BAZ2B: variants seen among roughly 807,000 people sequenced by gnomAD.
BAZ2B encodes bromodomain adjacent to zinc finger domain 2B, also known as bromodomain adjacent to zinc finger domain protein 2B.
A neutral mutation model predicts 246.0 loss-of-function variants in BAZ2B; 91 were observed. That is an observed-to-expected ratio of 0.37 (90% CI 0.31 to 0.44). The LOEUF (loss-of-function observed/expected upper bound fraction) is 0.44, where lower values mean the gene tolerates loss of function less well. Ranked by LOEUF, BAZ2B falls within the 20% of genes least tolerant of loss-of-function variation. BAZ2B has a pLI of 1.00. For missense variants in BAZ2B, 2,332 were observed against 2,533.7 expected, an observed-to-expected ratio of 0.92 and a Z score of 1.71; for synonymous variants, 855 against 860.0, an observed-to-expected ratio of 0.99 and a Z score of 0.10.
the BAZ2B span, among the ~76,000 whole-genome samples, chr2:159,655,448 T>A: frequency 6.6e-6 from 1 of 152,202 alleles, no homozygotes; most frequent in Non-Finnish European, 1.5e-5. Context: ...AAGAGTTTCT[T>A]TTTGACTTTA....
intron 24 of BAZ2B, among the ~76,000 whole-genome samples, chr2:159,383,169 T>A (rs2062211728): frequency 1.3e-5 from 2 of 152,156 alleles, no homozygotes; most frequent in Admixed American, 1.3e-4. Context: ...ATAGGAGTAA[T>A]TTCTGCCTGA....
At chr2:159,691,765 T>C in the BAZ2B span, among the ~76,000 whole-genome samples, 1 of 152,230 alleles carries the variant, frequency 6.6e-6, no homozygotes, top group African/African-American at 2.4e-5. Flanking sequence ...ACATGAGAAT[T>C]GCAAAAGATC....
intron 6 of BAZ2B, among the ~76,000 whole-genome samples, chr2:159,440,515 TTG>T (rs1559430451): frequency 1.3e-5 from 1 of 78,748 alleles, no homozygotes; most frequent in East Asian, 3.5e-4. Flanking sequence ...GCAATGACTC[TTG>T]TTTTTTTTTT....
Position 159,496,562 on chromosome 2 carries a change from C to G in BAZ2B, c.-2-17841G>C, listed in dbSNP as rs976309462. On this transcript the variant is annotated intron_variant, in intron 2 of 36. Transcript: ENST00000392783. ...ACTTTGGAGGCCAAGGTGGGCGGAT[C>G]ACCTGAGGTCGGGAGTTCGAGACCA... 2.0e-5 allele frequency among the ~76,000 whole-genome samples: 3 copies of G among 147,804 alleles called. No individual in the cohort carries two copies. In the South Asian group the frequency reaches 6.5e-4, roughly 32 times the overall value.
At chr2:159,626,742 A>G in the BAZ2B span, among the ~76,000 whole-genome samples, 2 of 152,334 alleles carry the variant, frequency 1.3e-5, no homozygotes, top group East Asian at 3.9e-4. Flanking sequence ...ACACTCTAAC[A>G]TCACAATTAA....
In BAZ2B at chr2:159,333,003, T is replaced by C. The variant is rs1030156198; in HGVS notation, c.5797-317A>G. On this transcript the variant is annotated intron_variant, in intron 33 of 36. Transcript: ENST00000392783. ...ATAATTAACATGACATTAGAGCACA[T>C]AAAGCAATGAATAGCTTTAATACAT... 5.1e-5 allele frequency: 10 copies of C among 194,736 alleles called. No homozygotes were observed. In the Admixed American group the frequency reaches 5.8e-4, roughly 11 times the overall value. 12.1% of individuals were successfully genotyped at this position (194,736 alleles called of 1,614,324 possible). A position where few individuals can be genotyped will look rare whatever the true frequency, so the allele number is the denominator to read the frequency against.
rs1366865979 is a variant in BAZ2B, at chr2:159,350,227, T to C, written c.4344A>G (p.Glu1448=). The C allele has an allele frequency of 6.2e-7, 1 of 1,613,734 alleles. No homozygotes were observed. The highest frequency in any genetic ancestry group is 8.5e-7 in the Non-Finnish European group (1 of 1,179,790). ...CSNTDHCEQK[E]DLKEKDNTNL... is the part of the protein sequence containing the mutation. ...TTGTGTTATCTTTTTCTTTAAGATC[T>C]TCCTTTTGTTCACAGTGATCTGTAT... The change falls in exon 28 of 37, where the codon GAA becomes GAG. Residue 1448 remains glutamate, a synonymous_variant. Transcript: ENST00000392783.
At chr2:159,680,002 A>C in the BAZ2B span, among the ~76,000 whole-genome samples, 1 of 152,238 alleles carries the variant, frequency 6.6e-6, no homozygotes, top group Admixed American at 6.5e-5. Context: ...TATTCTCAAC[A>C]AACTGTAATC....
At chr2:159,365,646 G>T (rs1234478685) in intron 27 of BAZ2B, among the ~76,000 whole-genome samples, 1 of 152,134 alleles carries the variant, frequency 6.6e-6, no homozygotes, top group Non-Finnish European at 1.5e-5. Flanking sequence ...AATTTCTGTT[G>T]TATGCTTATT....
chr2:159,438,690 T>G lies in BAZ2B; in HGVS notation c.906A>C (p.Leu302=). The G allele has an allele frequency of 6.3e-7, 1 of 1,591,460 alleles. No homozygotes were observed. The highest frequency in any genetic ancestry group is 8.5e-7 in the Non-Finnish European group (1 of 1,173,446). Residue 302 remains leucine, a synonymous_variant, in exon 8 of 37, where the codon CTA becomes CTC. Transcript: ENST00000392783. ...EAQHKSNNQV[L]LHGISDPKAD... Reference sequence around the variant, plus strand: ...CTTTTGGGTCTGAAATACCATGTAATAGCACCTAGATATAAAAATGAAAAG... The same window carrying G: ...CTTTTGGGTCTGAAATACCATGTAAGAGCACCTAGATATAAAAATGAAAAG...
intron 13 of BAZ2B, among the ~76,000 whole-genome samples, chr2:159,417,222 G>A (rs1443394609): frequency 6.8e-6 from 1 of 147,378 alleles, no homozygotes; most frequent in Non-Finnish European, 1.5e-5. Context: ...CTAAGCTGTA[G>A]TGTAGTGGTG....
chr2:159,405,990 C>T (rs1277288041), intron 14 of BAZ2B, among the ~76,000 whole-genome samples: 2 of 152,176 alleles, frequency 1.3e-5, no homozygotes, highest in Non-Finnish European at 2.9e-5. Context: ...CTTTTAAAGA[C>T]AACCTAGTTC....
At chr2:159,600,063 T>C (rs548927839) in intron 1 of BAZ2B, among the ~76,000 whole-genome samples, 1 of 151,598 alleles carries the variant, frequency 6.6e-6, no homozygotes, top group Non-Finnish European at 1.5e-5. Flanking sequence ...GGAGAGGAAA[T>C]ATCAGTAATT....
intron 2 of BAZ2B, among the ~76,000 whole-genome samples, chr2:159,501,791 A>G (rs2081874317): frequency 6.6e-6 from 1 of 152,196 alleles, no homozygotes; most frequent in Admixed American, 6.5e-5. Flanking sequence ...TGACCCAGCA[A>G]TTCAACTCTT....
chr2:159,380,009 T>C (rs1297390142), intron 25 of BAZ2B, among the ~76,000 whole-genome samples: 2 of 150,556 alleles, frequency 1.3e-5, no homozygotes, highest in Non-Finnish European at 3.0e-5. Context: ...CTCATATACA[T>C]ACACACACAC....
At chr2:159,663,855 CTTTTTTTT>C in the BAZ2B span, among the ~76,000 whole-genome samples, 16,463 of 91,702 alleles carry the variant, frequency 0.18, 710 homozygotes, top group Admixed American at 0.28. Flanking sequence ...AAACCATTTT[CTTTTTTTT>C]TTTTTTTTTT....
chr2:159,434,963 T>C (rs1007413543), intron 8 of BAZ2B: 1 of 151,968 alleles, frequency 6.6e-6, no homozygotes, highest in Non-Finnish European at 1.5e-5. Context: ...ATTAAAATAT[T>C]ACATAAAAAT....
At chr2:159,482,880 A>C (rs1392944067) in intron 2 of BAZ2B, among the ~76,000 whole-genome samples, 1 of 152,226 alleles carries the variant, frequency 6.6e-6, no homozygotes, top group Non-Finnish European at 1.5e-5. Context: ...TCATTAAAAT[A>C]AAAACAGTTC....
Position 159,603,485 on chromosome 2 carries a change from A to G in BAZ2B, c.-46+12757T>C, listed in dbSNP as rs183059066. Among the ~76,000 whole-genome samples the G allele has an allele frequency of 9.4e-4, 143 of 152,272 alleles. 2 individuals are homozygous for G. The Middle Eastern group carries it at 0.01, about 11-fold the overall frequency. On this transcript the variant is annotated intron_variant, in intron 1 of 36. Transcript: ENST00000392783. The stretch of plus-strand genomic sequence containing the variant: ...TTTCTTTCCCTCTAGTTACAATGAA[A>G]GAGTATCCCTCGTTCTAGTTCGTGA...
Sources: allele counts gnomAD v4.1 joint callset (sites outside exome capture counted in the v4.1 genomes callset), GRCh38; gene constraint gnomAD v4.1.1; transcripts MANE v1.5; gene names NCBI Gene and HGNC (gene_info 2026-07-23, HGNC 2026-07-21).